The following SPOCK1 variants were observed in gnomAD, a reference collection of about 807,000 sequenced individuals.
The protein encoded by SPOCK1 is SPARC (osteonectin), cwcv and kazal like domains proteoglycan 1, also known as testican-1.
SPOCK1 carries 23 observed loss-of-function variants against 55.3 expected under a neutral mutation model. The ratio of observed to expected loss-of-function variants is 0.42; its 90% confidence interval spans 0.30 to 0.59. The LOEUF (loss-of-function observed/expected upper bound fraction) is 0.59. SPOCK1 is among the 20% of genes least tolerant of loss of function. The pLI, the probability that SPOCK1 is intolerant of heterozygous loss-of-function variation, is 0.22. For missense variants in SPOCK1, 499 were observed against 552.5 expected, an observed-to-expected ratio of 0.90 and a Z score of 0.97; for synonymous variants, 226 against 221.0, an observed-to-expected ratio of 1.02 and a Z score of -0.20.
intron 2 of SPOCK1, among the ~76,000 whole-genome samples, chr5:137,407,575 G>A (rs1752126484): frequency 1.3e-5 from 2 of 152,040 alleles, no homozygotes. Context: ...CAAGGTCCCT[G>A]TAAAAAATAT....
At chr5:137,258,533 T>A (rs772456731) in intron 3 of SPOCK1, among the ~76,000 whole-genome samples, 1 of 152,222 alleles carries the variant, frequency 6.6e-6, no homozygotes, top group Non-Finnish European at 1.5e-5. Flanking sequence ...AACAGCATTA[T>A]TGATTGATTT....
chr5:137,387,803 G>A (rs980544882), intron 2 of SPOCK1, among the ~76,000 whole-genome samples: 15 of 152,080 alleles, frequency 9.9e-5, no homozygotes, highest in South Asian at 2.1e-4. Flanking sequence ...GTTACAGCAC[G>A]GGCTATATGG....
intron 4 of SPOCK1, among the ~76,000 whole-genome samples, chr5:137,119,744 C>G (rs1194272694): frequency 6.6e-6 from 1 of 152,202 alleles, no homozygotes; most frequent in African/African-American, 2.4e-5. Context: ...TTTAAAAGGA[C>G]AAATATGTAA....
In SPOCK1 at chr5:136,975,842, A is replaced by C. The variant is rs1180894126; in HGVS notation, c.*2812T>G. 1 of 152,238 alleles carries C rather than the reference A, an allele frequency of 6.6e-6. No homozygotes were observed. The highest frequency in any genetic ancestry group is 1.5e-5 in the Non-Finnish European group (1 of 68,042). The allele number at this position is 152,238 out of a possible 1,614,324, so 9.4% of individuals were successfully genotyped here. Reference sequence around the variant, plus strand: ...GGCAAATAACTAACCATGGTGGAACAAAATTCTGGGATTTAAGTTGGATAC... The same window carrying C: ...GGCAAATAACTAACCATGGTGGAACCAAATTCTGGGATTTAAGTTGGATAC... On this transcript the variant is annotated 3_prime_UTR_variant, in exon 11 of 11. Transcript: ENST00000394945.
Position 137,008,137 on chromosome 5 carries a change from C to T in SPOCK1, c.590-15537G>A, listed in dbSNP as rs543091292. ...GGCAAAATCACACACTGGGGCCTGT[C>T]GGGGGGTGGGGGGCAAGGGGAAGAA... On this transcript the variant is annotated intron_variant, in intron 6 of 10. Coordinates refer to ENST00000394945, the MANE Select transcript of SPOCK1 (RefSeq NM_004598.4). Among the ~76,000 whole-genome samples the T allele has an allele frequency of 2.2e-3, 73 of 33,476 alleles. 1 individual carries two copies. The highest frequency in any genetic ancestry group is 8.9e-3 in the African/African-American group (70 of 7,908). 22.0% of individuals were successfully genotyped at this position (33,476 alleles called of 152,430 possible). A position where few individuals can be genotyped will look rare whatever the true frequency, so the allele number is the denominator to read the frequency against.
chr5:137,218,128 A>C (rs1755756023), intron 3 of SPOCK1, among the ~76,000 whole-genome samples: 2 of 152,238 alleles, frequency 1.3e-5, no homozygotes, highest in South Asian at 2.1e-4. Flanking sequence ...TCAGAGTTCA[A>C]GATGAAGCTC....
chr5:137,254,311 C>G (rs1370066166), intron 3 of SPOCK1, among the ~76,000 whole-genome samples: 1 of 152,054 alleles, frequency 6.6e-6, no homozygotes, highest in Non-Finnish European at 1.5e-5. Context: ...TTCATAATAC[C>G]TGCTTGAAAA....
chr5:137,082,313 A>T (rs539206918), intron 5 of SPOCK1, among the ~76,000 whole-genome samples: 1 of 152,358 alleles, frequency 6.6e-6, no homozygotes, highest in African/African-American at 2.4e-5. Context: ...AAAGAAGCAG[A>T]TCTAGAACCA....
chr5:137,194,402 C>T (rs750053262), intron 3 of SPOCK1, among the ~76,000 whole-genome samples: 1 of 152,106 alleles, frequency 6.6e-6, no homozygotes, highest in Non-Finnish European at 1.5e-5. Flanking sequence ...CGTACAAGGG[C>T]GCAGGAGTGA....
intron 2 of SPOCK1, among the ~76,000 whole-genome samples, chr5:137,275,138 A>G (rs1348661318): frequency 6.6e-6 from 1 of 152,240 alleles, no homozygotes; most frequent in Non-Finnish European, 1.5e-5. Context: ...TGGCACACCA[A>G]ACAAAGCCAT....
At chr5:137,152,188 G>A (rs1405308907) in intron 3 of SPOCK1, among the ~76,000 whole-genome samples, 1 of 152,172 alleles carries the variant, frequency 6.6e-6, no homozygotes, top group Non-Finnish European at 1.5e-5. Context: ...TAAGTCTTAT[G>A]TATTCTTGCT....
chr5:137,374,239 A>G (rs1031112669), intron 2 of SPOCK1, among the ~76,000 whole-genome samples: 4 of 152,262 alleles, frequency 2.6e-5, no homozygotes, highest in African/African-American at 9.6e-5. Flanking sequence ...GTAGAATAAA[A>G]GCCTGAAAGT....
At chr5:137,470,804 G>A (rs893768557) in intron 2 of SPOCK1, among the ~76,000 whole-genome samples, 1 of 152,182 alleles carries the variant, frequency 6.6e-6, no homozygotes, top group Non-Finnish European at 1.5e-5. Flanking sequence ...CTAAAAGGGA[G>A]AATCTGTCTG....
intron 2 of SPOCK1, among the ~76,000 whole-genome samples, chr5:137,463,908 G>A (rs528174665): frequency 1.1e-4 from 16 of 152,080 alleles, no homozygotes; most frequent in Admixed American, 5.9e-4. Flanking sequence ...AGATTACACC[G>A]CTGCACTCCA....
chr5:137,092,057 C>G (rs1435602204), intron 5 of SPOCK1, among the ~76,000 whole-genome samples: 4 of 152,136 alleles, frequency 2.6e-5, no homozygotes, highest in African/African-American at 9.7e-5. Context: ...CTATCTACCC[C>G]CATACTCCCT....
chr5:137,225,448 G>A (rs891816238), intron 3 of SPOCK1, among the ~76,000 whole-genome samples: 7 of 152,152 alleles, frequency 4.6e-5, no homozygotes, highest in African/African-American at 1.4e-4. Context: ...AGGTACTAAC[G>A]AGTATTAAAG....
intron 4 of SPOCK1, among the ~76,000 whole-genome samples, chr5:137,137,564 G>A (rs1237355683): frequency 6.6e-6 from 1 of 152,196 alleles, no homozygotes; most frequent in Non-Finnish European, 1.5e-5. Flanking sequence ...CTTGATAAAG[G>A]AGTGGGCACA....
chr5:137,320,418 C>T (rs1243024409), intron 2 of SPOCK1, among the ~76,000 whole-genome samples: 2 of 152,166 alleles, frequency 1.3e-5, no homozygotes, highest in Non-Finnish European at 2.9e-5. Context: ...CAACTCATGG[C>T]TTCTCCACTG....
At chr5:137,035,248 A>G (rs1751861291) in intron 6 of SPOCK1, among the ~76,000 whole-genome samples, 2 of 152,204 alleles carry the variant, frequency 1.3e-5, no homozygotes, top group Admixed American at 1.3e-4. Context: ...AGCCAGCCGT[A>G]TCAGGACCGG....
Sources: allele counts gnomAD v4.1 joint callset (sites outside exome capture counted in the v4.1 genomes callset), GRCh38; gene constraint gnomAD v4.1.1; transcripts MANE v1.5; gene names NCBI Gene and HGNC (gene_info 2026-07-23, HGNC 2026-07-21).